Variants in CASK observed in about 807,000 individuals in gnomAD.
CASK encodes calcium/calmodulin dependent serine protein kinase.
A neutral mutation model predicts 82.9 loss-of-function variants in CASK; 4 were observed. The observed-to-expected ratio is 0.05, with a 90% confidence interval of 0.02 to 0.11. The LOEUF is 0.11. Ranked by LOEUF, CASK falls within the 10% of genes least tolerant of loss-of-function variation. The probability of loss-of-function intolerance (pLI) is 1.00; values close to 1 mark genes in which losing one functional copy is unlikely to be tolerated. For missense variants in CASK, 358 were observed against 720.9 expected (o/e 0.50, Z 5.76); for synonymous variants, 259 against 253.5 (o/e 1.02, Z -0.20).
intron 8 of CASK, among the ~76,000 whole-genome samples, chrX:41,651,125 C>T (rs768301056): frequency 1.8e-5 from 2 of 111,881 alleles, no homozygotes; most frequent in Non-Finnish European, 3.8e-5. Context: ...CAAAGGTTTC[C>T]AAAAATAAAT....
At chrX:41,761,088 G>C (rs2147774833) in intron 3 of CASK, among the ~76,000 whole-genome samples, 1 of 111,530 alleles carries the variant, frequency 9.0e-6, no homozygotes, top group Non-Finnish European at 1.9e-5. Context: ...TCTCCTTCTT[G>C]CTCCTCAAAA....
chrX:41,571,553 G>C (rs192155619), intron 15 of CASK, among the ~76,000 whole-genome samples: 29 of 111,306 alleles, frequency 2.6e-4, no homozygotes, highest in Admixed American at 1.8e-3. Context: ...CCCCGTGATT[G>C]TATAGCCATT....
At chrX:41,611,826 G>A (rs2066058383) in intron 11 of CASK, among the ~76,000 whole-genome samples, 1 of 110,563 alleles carries the variant, frequency 9.0e-6, no homozygotes, top group African/African-American at 3.3e-5. Context: ...AGCCTGCCGA[G>A]TGCCTGCGAT....
chrX:41,730,839 A>G (rs1233093888), intron 5 of CASK, among the ~76,000 whole-genome samples: 2 of 111,227 alleles, frequency 1.8e-5, no homozygotes, highest in African/African-American at 6.6e-5. Context: ...AATAGCTGGG[A>G]CCACAGGTGC....
chrX:41,720,248 G>C (rs767902877), intron 5 of CASK, among the ~76,000 whole-genome samples: 70 of 113,137 alleles, frequency 6.2e-4, no homozygotes, highest in South Asian at 1.4e-3. Context: ...TTAAGGGTGG[G>C]ACACCCACGA....
chrX:41,695,611 C>G, intron 5 of CASK: 1 of 1,108,992 alleles, frequency 9.0e-7, no homozygotes, highest in African/African-American at 1.8e-5. Context: ...AGCACTTTCA[C>G]TTTTTGATCT....
chrX:41,851,467 G>C (rs1168748113), intron 2 of CASK, among the ~76,000 whole-genome samples: 1 of 111,640 alleles, frequency 9.0e-6, no homozygotes, highest in Non-Finnish European at 1.9e-5. Flanking sequence ...CTGACCAAGT[G>C]ACAAGAGACA....
chrX:41,915,062 T>TC (rs981602599), intron 1 of CASK, among the ~76,000 whole-genome samples: 23 of 111,341 alleles, frequency 2.1e-4, no homozygotes, highest in African/African-American at 7.5e-4. Context: ...TTATTGATCC[T>TC]CCCCCCTCTT....
chrX:41,617,961 C>T (rs957687901), intron 11 of CASK, among the ~76,000 whole-genome samples: 7 of 112,023 alleles, frequency 6.2e-5, no homozygotes, highest in African/African-American at 2.3e-4. Flanking sequence ...ATAAAAAGTA[C>T]ACAAGTTCAC....
chrX:41,755,132 C>T (rs1333822495), intron 3 of CASK, among the ~76,000 whole-genome samples: 1 of 110,949 alleles, frequency 9.0e-6, no homozygotes, highest in African/African-American at 3.3e-5. Flanking sequence ...CTGCCTCGGC[C>T]TCCCAAAGTG....
At position 41,887,031 on chromosome X, in the gene CASK, C is replaced by T. The variant is rs750084561; in HGVS notation, c.60-33804G>A. ...TTTCAAAATATATTGCATACTCTCC[C>T]GTACAAATTTATCTGTAAAGAGCTA... On this transcript the variant is annotated intron_variant, in intron 1 of 26. Coordinates refer to ENST00000378163, the MANE Select transcript of CASK (RefSeq NM_001367721.1). Among the ~76,000 whole-genome samples, 4 of 110,580 alleles carry T rather than the reference C, an allele frequency of 3.6e-5. No individual in the cohort carries two copies. The East Asian group carries it at 8.5e-4, about 23-fold the overall frequency.
At chrX:41,596,940 G>A (rs1411845592) in intron 12 of CASK, among the ~76,000 whole-genome samples, 3 of 112,098 alleles carry the variant, frequency 2.7e-5, no homozygotes, top group Non-Finnish European at 3.8e-5. Context: ...AATAAACTTG[G>A]TAGTGATATT....
chrX:41,685,073 A>G (rs909581825), intron 5 of CASK, among the ~76,000 whole-genome samples: 8 of 112,126 alleles, frequency 7.1e-5, no homozygotes, highest in African/African-American at 2.3e-4. Flanking sequence ...TAACTTTTCT[A>G]TAAGTCTAAA....
In CASK at chrX:41,601,189, T is replaced by C. The variant is rs936250445; in HGVS notation, c.1155+8715A>G. Among the ~76,000 whole-genome samples, 4 of 111,438 alleles carry C rather than the reference T, an allele frequency of 3.6e-5. 1 individual carries two copies. The highest frequency in any genetic ancestry group is 9.2e-3 in the Middle Eastern group (2 of 218). ...TGGAGATGGATAGTGATGATGGTTGTATAACAATGTGAATATACTTAATGT... is the reference window on the plus strand; with the variant it reads ...TGGAGATGGATAGTGATGATGGTTGCATAACAATGTGAATATACTTAATGT... On this transcript the variant is annotated intron_variant, in intron 12 of 26. Transcript: ENST00000378163.
At chrX:41,789,139 A>G (rs748631569) in intron 2 of CASK, among the ~76,000 whole-genome samples, 1 of 111,252 alleles carries the variant, frequency 9.0e-6, no homozygotes, top group African/African-American at 3.3e-5. Context: ...AGAAGGTTTT[A>G]CTTGTTTGTT....
At position 41,720,056 on chromosome X, in the gene CASK, C is replaced by T. The variant is rs774811262; in HGVS notation, c.429+19328G>A. Among the ~76,000 whole-genome samples, 5 of 113,077 alleles carry T rather than the reference C, an allele frequency of 4.4e-5. No homozygotes were observed. The South Asian group carries it at 1.8e-3, about 41-fold the overall frequency. ...CTAATTAAATGGGGAGGAAAGTCTTCGAAGAGGAACCTCTGCTTTACTTTT... is the reference window on the plus strand; with the variant it reads ...CTAATTAAATGGGGAGGAAAGTCTTTGAAGAGGAACCTCTGCTTTACTTTT... On this transcript the variant is annotated intron_variant, in intron 5 of 26. Transcript: ENST00000378163.
At chrX:41,781,593 A>G (rs2069476859) in intron 3 of CASK, among the ~76,000 whole-genome samples, 2 of 112,235 alleles carry the variant, frequency 1.8e-5, no homozygotes, top group African/African-American at 6.5e-5. Context: ...GCCCCTAAAT[A>G]CCAGGGGTAA....
At chrX:41,659,481 C>A (rs1260388325) in intron 8 of CASK, among the ~76,000 whole-genome samples, 1 of 110,465 alleles carries the variant, frequency 9.1e-6, no homozygotes, top group East Asian at 2.9e-4. Context: ...CCACCTTGGC[C>A]TCCCAAAGTG....
intron 22 of CASK, among the ~76,000 whole-genome samples, chrX:41,540,987 A>G (rs2064939427): frequency 8.9e-6 from 1 of 112,198 alleles, no homozygotes; most frequent in Admixed American, 9.5e-5. Flanking sequence ...TTGCTTTTCT[A>G]GGTGTAAGTT....
Sources: gnomAD v4.1 joint callset for allele counts (sites outside exome capture counted in the v4.1 genomes callset) on GRCh38, gnomAD v4.1.1 for gene constraint, MANE v1.5 for transcripts, NCBI Gene and HGNC (gene_info 2026-07-23, HGNC 2026-07-21) for gene names.